BAZ1A: variants seen among roughly 807,000 people sequenced by gnomAD.
BAZ1A encodes the protein bromodomain adjacent to zinc finger domain protein 1A.
BAZ1A carries 50 observed loss-of-function variants against 185.2 expected under a neutral mutation model. The observed-to-expected ratio is 0.27, with a 90% CI of 0.22 to 0.34. The LOEUF is 0.34. BAZ1A is among the 10% of genes least tolerant of loss of function. BAZ1A has a pLI of 1.00. For synonymous variants in BAZ1A, 571 were observed against 615.6 expected (o/e 0.93, Z 1.07); for missense variants, 1,356 against 1,839.9 (o/e 0.74, Z 4.81).
rs768956461 is a variant in BAZ1A, at chr14:34,795,673, A to C, written c.1221T>G (p.Leu407=). ...ACATCACATAACATGTTTATACCTT[A>C]AGGTCATCACATTCCATATCTTCTC... ...KPREDMECDD[L]KELPEPTPVK... Residue 407 remains leucine, a synonymous_variant, in exon 10 of 27, where the codon CTT becomes CTG. Transcript: ENST00000360310. The C allele has an allele frequency of 8.1e-6, 13 of 1,606,910 alleles. No homozygotes were observed. Among genetic ancestry groups the C allele is most frequent in the African/African-American group, 1.3e-5 (1 of 74,832 alleles).
At chr14:34,818,913 G>A (rs1335341078) in intron 4 of BAZ1A, among the ~76,000 whole-genome samples, 4 of 151,890 alleles carry the variant, frequency 2.6e-5, no homozygotes, top group African/African-American at 7.3e-5. Flanking sequence ...AGGCCGAGGC[G>A]GGCGGATCAC....
intron 25 of BAZ1A, among the ~76,000 whole-genome samples, chr14:34,755,552 A>G (rs141240164): frequency 2.6e-5 from 4 of 152,244 alleles, no homozygotes; most frequent in East Asian, 3.9e-4. Flanking sequence ...TTGAAATTCT[A>G]TCCTTCTTCA....
intron 25 of BAZ1A, among the ~76,000 whole-genome samples, chr14:34,757,490 C>A (rs1220090204): frequency 4.0e-5 from 6 of 150,676 alleles, no homozygotes; most frequent in African/African-American, 1.5e-4. Context: ...CATGGTGAAA[C>A]CCTGTCGCTA....
In BAZ1A at chr14:34,783,923, T is replaced by C. The variant is rs1020749941; in HGVS notation, c.1836A>G (p.Glu612=). The C allele has an allele frequency of 6.3e-7, 1 of 1,585,004 alleles. No homozygotes were observed. The highest frequency in any genetic ancestry group is 2.3e-5 in the East Asian group (1 of 44,338). The part of the protein sequence containing the change: ...STSVYDLTPG[E]KMKILHALCG... ...AGAGAGCATGGAGTATCTTCATTTT[T>C]TCTCCTGTCAAAAATTGGTAAATAC... The change falls in exon 15 of 27, where the codon GAA becomes GAG. Residue 612 remains glutamate, a synonymous_variant. Coordinates refer to ENST00000360310, the MANE Select transcript of BAZ1A (RefSeq NM_013448.3).
chr14:34,873,497 A>AT (rs2042985378), intron 2 of BAZ1A, among the ~76,000 whole-genome samples: 1 of 152,150 alleles, frequency 6.6e-6, no homozygotes, highest in South Asian at 2.1e-4. Flanking sequence ...TAGGAGCTGT[A>AT]ACTACACCAG....
At chr14:34,818,004 T>C (rs1366416444) in intron 4 of BAZ1A, among the ~76,000 whole-genome samples, 1 of 152,146 alleles carries the variant, frequency 6.6e-6, no homozygotes, top group East Asian at 1.9e-4. Flanking sequence ...CCCGCATGAA[T>C]TTCTAACAGG....
rs1332819867 is a variant in BAZ1A at position 34,752,892 on chromosome 14, G to T, written c.*616C>A. 2.6e-5 allele frequency: 4 copies of T among 152,310 alleles called. No homozygotes were observed. Among genetic ancestry groups the T allele is most frequent in the Admixed American group, 2.0e-4 (3 of 15,260 alleles). 9.4% of individuals were successfully genotyped at this position (152,310 alleles called of 1,614,324 possible). A position where few individuals can be genotyped will look rare whatever the true frequency, so the allele number is the denominator to read the frequency against. The stretch of plus-strand genomic sequence containing the variant: ...TAGAGGAATAAAAACACAGTAAAAG[G>T]TTTAAAACATTAAGGAACATTTTTC... On this transcript the variant is annotated 3_prime_UTR_variant, in exon 27 of 27. Transcript: ENST00000360310.
At chr14:34,840,617 G>C (rs1313761514) in intron 3 of BAZ1A, among the ~76,000 whole-genome samples, 1 of 151,904 alleles carries the variant, frequency 6.6e-6, no homozygotes. Flanking sequence ...AAATTAGCCT[G>C]GCATGGTGGT....
chr14:34,823,642 C>G (rs1187672394), intron 4 of BAZ1A, among the ~76,000 whole-genome samples: 1 of 151,702 alleles, frequency 6.6e-6, no homozygotes, highest in Non-Finnish European at 1.5e-5. Flanking sequence ...GCCTGGGCAA[C>G]AAGAGCGAAA....
intron 21 of BAZ1A, among the ~76,000 whole-genome samples, chr14:34,768,114 A>G (rs1878971966): frequency 6.6e-6 from 1 of 152,218 alleles, no homozygotes; most frequent in African/African-American, 2.4e-5. Context: ...AAAGGGCAGA[A>G]AATGTCTTGT....
At chr14:34,869,829 TAA>T (rs2138841626) in intron 2 of BAZ1A, among the ~76,000 whole-genome samples, 1 of 152,262 alleles carries the variant, frequency 6.6e-6, no homozygotes, top group South Asian at 2.1e-4. Context: ...TTGACCAAAA[TAA>T]TAAAGAAATG....
intron 2 of BAZ1A, among the ~76,000 whole-genome samples, chr14:34,870,036 G>A (rs2042926471): frequency 1.3e-5 from 2 of 152,140 alleles, no homozygotes; most frequent in South Asian, 4.1e-4. Flanking sequence ...TGAGCCCAGA[G>A]GAAACCAGCA....
Position 34,774,438 on chromosome 14 carries a change from A to C in BAZ1A, c.2886T>G (p.Asn962Lys), listed in dbSNP as rs1879454942. ...KPTYSRGRSS[N>K]AYDPSQMCAE... Reference sequence around the variant, plus strand: ...CACACATCTGAGATGGATCATATGCATTGGAAGATCTTCCCCGACTATATG... The same window carrying C: ...CACACATCTGAGATGGATCATATGCCTTGGAAGATCTTCCCCGACTATATG... Residue 962 changes from asparagine (N) to lysine (K), a missense_variant, in exon 19 of 27, where the codon AAT (asparagine) becomes AAG (lysine). Physicochemically the swap from Asn to Lys is moderately conservative, Grantham distance 94. Coordinates refer to ENST00000360310, the MANE Select transcript of BAZ1A (RefSeq NM_013448.3). 6.2e-7 allele frequency: 1 copy of C among 1,611,644 alleles called. No individual in the cohort carries two copies. The highest frequency in any genetic ancestry group is 1.3e-5 in the African/African-American group (1 of 74,822).
intron 26 of BAZ1A, 135 bp downstream of exon 26, chr14:34,754,692 C>T: frequency 1.8e-6 from 1 of 566,200 alleles, no homozygotes; most frequent in Non-Finnish European, 3.0e-6. Flanking sequence ...ATGCCATCTA[C>T]ACAACTACAT....
At chr14:34,769,380 A>G (rs1331206822) in intron 21 of BAZ1A, among the ~76,000 whole-genome samples, 1 of 152,176 alleles carries the variant, frequency 6.6e-6, no homozygotes, top group Non-Finnish European at 1.5e-5. Flanking sequence ...CAAAGTAACA[A>G]ACTTTTCTTA....
intron 9 of BAZ1A, among the ~76,000 whole-genome samples, chr14:34,799,535 G>A (rs546085221): frequency 6.6e-6 from 1 of 152,102 alleles, no homozygotes. Context: ...TAAGGAATAT[G>A]TATCACTGGA....
intron 2 of BAZ1A, among the ~76,000 whole-genome samples, chr14:34,864,998 G>T (rs765993606): frequency 1.3e-5 from 2 of 151,630 alleles, no homozygotes; most frequent in Non-Finnish European, 2.9e-5. Context: ...GGATGGTCTT[G>T]ATCTCCTGAC....
At chr14:34,792,716 A>G in intron 12 of BAZ1A, 59 bp downstream of exon 12, 1 of 1,581,886 alleles carries the variant, frequency 6.3e-7, no homozygotes, top group Non-Finnish European at 8.6e-7. Flanking sequence ...TTGGCCCTCA[A>G]AAATTAGTTT....
chr14:34,834,118 G>A (rs1034648522), intron 3 of BAZ1A, among the ~76,000 whole-genome samples: 1 of 152,138 alleles, frequency 6.6e-6, no homozygotes, highest in Non-Finnish European at 1.5e-5. Flanking sequence ...TTAGTAACAT[G>A]AGCTGTAAAA....
Sources: gnomAD v4.1 joint callset for allele counts (sites outside exome capture counted in the v4.1 genomes callset) on GRCh38, gnomAD v4.1.1 for gene constraint, MANE v1.5 for transcripts, NCBI Gene and HGNC (gene_info 2026-07-23, HGNC 2026-07-21) for gene names.